SNTB1: variants seen among roughly 807,000 people sequenced by gnomAD.
SNTB1 encodes the protein syntrophin beta 1, also known as beta-1-syntrophin.
SNTB1 carries 36 observed loss-of-function variants against 48.9 expected under a neutral mutation model. The ratio of observed to expected loss-of-function variants is 0.74; its 90% CI spans 0.56 to 0.97. SNTB1 has a LOEUF of 0.97. Ranked by LOEUF, SNTB1 falls within the 50% of genes least tolerant of loss-of-function variation. The pLI, the probability that SNTB1 is intolerant of heterozygous loss-of-function variation, is 0.00. For synonymous variants in SNTB1, 299 were observed against 294.6 expected, an observed-to-expected ratio of 1.01 and a Z score of -0.15; for missense variants, 786 against 703.4, an observed-to-expected ratio of 1.12 and a Z score of -1.33.
chr8:120,695,148 T>C (rs928885128), intron 1 of SNTB1, among the ~76,000 whole-genome samples: 2 of 152,136 alleles, frequency 1.3e-5, no homozygotes, highest in African/African-American at 4.8e-5. Context: ...CCTCAGGAGA[T>C]TGGGCTAAGT....
chr8:120,726,536 T>C (rs1441421638), intron 1 of SNTB1, among the ~76,000 whole-genome samples: 2 of 152,212 alleles, frequency 1.3e-5, no homozygotes, highest in Non-Finnish European at 2.9e-5. Context: ...GTGAGATGAA[T>C]GTGGACATTT....
chr8:120,675,495 C>G (rs918564654), intron 2 of SNTB1, among the ~76,000 whole-genome samples: 13 of 152,120 alleles, frequency 8.5e-5, no homozygotes, highest in African/African-American at 2.9e-4. Context: ...GATACATGCT[C>G]CATTAGATCA....
chr8:120,723,543 T>G (rs1380219911), intron 1 of SNTB1, among the ~76,000 whole-genome samples: 1 of 152,220 alleles, frequency 6.6e-6, no homozygotes, highest in East Asian at 1.9e-4. Flanking sequence ...AAGCCCACTC[T>G]GTATATCCCT....
intron 5 of SNTB1, among the ~76,000 whole-genome samples, chr8:120,546,931 T>C (rs1436852729): frequency 6.6e-6 from 1 of 152,252 alleles, no homozygotes; most frequent in African/African-American, 2.4e-5. Flanking sequence ...CTGATTTTTG[T>C]TGGATCAGTG....
chr8:120,800,256 T>C (rs34274533), intron 1 of SNTB1, among the ~76,000 whole-genome samples: 17,607 of 152,036 alleles, frequency 0.12, 1,468 homozygotes, highest in African/African-American at 0.23. Flanking sequence ...CAACTTTATA[T>C]AACCTAGACA....
At chr8:120,734,160 C>T (rs1339698018) in intron 1 of SNTB1, among the ~76,000 whole-genome samples, 4 of 152,136 alleles carry the variant, frequency 2.6e-5, no homozygotes. Context: ...GTTTTATTTG[C>T]AGGCCAGGCG....
chr8:120,694,727 A>ATAT (rs1172573498), intron 1 of SNTB1, among the ~76,000 whole-genome samples: 1 of 151,996 alleles, frequency 6.6e-6, no homozygotes, highest in African/African-American at 2.4e-5. Flanking sequence ...ATATGTGCTT[A>ATAT]TATGCCTACA....
At chr8:120,574,981 C>T in intron 4 of SNTB1, 105 bp downstream of exon 4, 1 of 1,405,276 alleles carries the variant, frequency 7.1e-7, no homozygotes, top group Non-Finnish European at 9.9e-7. Context: ...AGCTCTCAGC[C>T]CCTGCTGCAA....
At chr8:120,770,252 A>C (rs899641037) in intron 1 of SNTB1, among the ~76,000 whole-genome samples, 5 of 152,262 alleles carry the variant, frequency 3.3e-5, no homozygotes, top group Middle Eastern at 3.4e-3. Context: ...ATGCTGGTGG[A>C]GGAACTGATA....
At chr8:120,664,156 T>C (rs891029546) in intron 2 of SNTB1, among the ~76,000 whole-genome samples, 2 of 152,118 alleles carry the variant, frequency 1.3e-5, no homozygotes, top group Non-Finnish European at 2.9e-5. Flanking sequence ...AGCCATGATA[T>C]GTGTAAGGAT....
At chr8:120,650,465 T>G (rs1165604300) in intron 2 of SNTB1, among the ~76,000 whole-genome samples, 1 of 152,024 alleles carries the variant, frequency 6.6e-6, no homozygotes, top group East Asian at 1.9e-4. Flanking sequence ...ACCTTCCCCC[T>G]TTTTTTCCCT....
intron 3 of SNTB1, among the ~76,000 whole-genome samples, chr8:120,587,077 C>T (rs892755205): frequency 3.9e-5 from 6 of 152,052 alleles, no homozygotes; most frequent in East Asian, 3.9e-4. Flanking sequence ...AAAAATTAGC[C>T]GGGCGTGGTA....
intron 2 of SNTB1, among the ~76,000 whole-genome samples, chr8:120,650,453 C>T (rs1179161349): frequency 6.6e-6 from 1 of 152,120 alleles, no homozygotes; most frequent in Non-Finnish European, 1.5e-5. Flanking sequence ...ATTCAGCAAC[C>T]TACCTTCCCC....
chr8:120,693,589 A>G (rs1818162403), intron 2 of SNTB1, 103 bp downstream of exon 2: 2 of 910,176 alleles, frequency 2.2e-6, no homozygotes, highest in East Asian at 2.5e-5. Context: ...TTTGGAAGCC[A>G]TGATGTGTTT....
At chr8:120,566,408 G>C (rs2130674610) in intron 4 of SNTB1, among the ~76,000 whole-genome samples, 1 of 151,090 alleles carries the variant, frequency 6.6e-6, no homozygotes, top group South Asian at 2.1e-4. Flanking sequence ...CCACCCACGT[G>C]AGAACACAGC....
chr8:120,654,798 T>C (rs553842036), intron 2 of SNTB1: 3 of 333,402 alleles, frequency 9.0e-6, no homozygotes, highest in African/African-American at 6.7e-5. Context: ...ATGAGGCTAA[T>C]ACATAAAACT....
At chr8:120,589,315 A>C (rs1471433691) in intron 3 of SNTB1, among the ~76,000 whole-genome samples, 1 of 152,194 alleles carries the variant, frequency 6.6e-6, no homozygotes, top group African/African-American at 2.4e-5. Flanking sequence ...CCTCCAAGCT[A>C]TGATAAGCTC....
chr8:120,548,781 G>C lies in SNTB1; in HGVS notation c.1314C>G (p.Leu438=), dbSNP rs1199637852. ...ACTCACCAGTGCTGATTTCAGCAATGAGTTCAGCAGAATTGTGGCAACCCT... is the reference window on the plus strand; with the variant it reads ...ACTCACCAGTGCTGATTTCAGCAATCAGTTCAGCAGAATTGTGGCAACCCT... The part of the protein sequence containing the change: ...IVQGCHNSAE[L]IAEISTACTY... The change falls in exon 5 of 7, where the codon CTC becomes CTG. Residue 438 remains leucine, a synonymous_variant. Coordinates refer to ENST00000517992, the MANE Select transcript of SNTB1 (RefSeq NM_021021.4). 5 of 1,614,084 alleles carry C rather than the reference G, an allele frequency of 3.1e-6. No homozygotes were observed. The highest frequency in any genetic ancestry group is 4.2e-6 in the Non-Finnish European group (5 of 1,179,976).
At chr8:120,559,799 A>T (rs1815622055) in intron 4 of SNTB1, among the ~76,000 whole-genome samples, 1 of 152,192 alleles carries the variant, frequency 6.6e-6, no homozygotes. Context: ...AAACACAAAC[A>T]GTTACAGCAC....
Sources: gnomAD v4.1 joint callset for allele counts (sites outside exome capture counted in the v4.1 genomes callset) on GRCh38, gnomAD v4.1.1 for gene constraint, MANE v1.5 for transcripts, NCBI Gene and HGNC (gene_info 2026-07-23, HGNC 2026-07-21) for gene names.